The following GRIK3 variants were observed in gnomAD, a reference collection of about 807,000 sequenced individuals.
GRIK3 encodes the protein glutamate ionotropic receptor kainate type subunit 3.
A neutral mutation model predicts 102.5 loss-of-function variants in GRIK3; 29 were observed. The ratio of observed to expected loss-of-function variants is 0.28; its 90% CI spans 0.21 to 0.39. GRIK3 has a LOEUF of 0.39. Among genes scored for constraint, GRIK3 ranks in the 10% least tolerant of loss-of-function variants. GRIK3 has a pLI of 1.00. For synonymous variants in GRIK3, 511 were observed against 504.9 expected, an observed-to-expected ratio of 1.01 and a Z score of -0.16; for missense variants, 908 against 1,252.4, an observed-to-expected ratio of 0.73 and a Z score of 4.15.
chr1:36,904,357 C>T (rs1641263219), intron 1 of GRIK3, among the ~76,000 whole-genome samples: 1 of 152,122 alleles, frequency 6.6e-6, no homozygotes, highest in Non-Finnish European at 1.5e-5. Flanking sequence ...GTGGTAGGCT[C>T]ATGGGTAAAT....
chr1:36,816,803 A>C (rs984191596), intron 13 of GRIK3, among the ~76,000 whole-genome samples: 6 of 152,282 alleles, frequency 3.9e-5, no homozygotes, highest in African/African-American at 1.4e-4. Flanking sequence ...CTGATGACTT[A>C]AGGAATCATA....
intron 9 of GRIK3, among the ~76,000 whole-genome samples, chr1:36,845,712 C>T (rs556641026): frequency 1.3e-4 from 20 of 152,330 alleles, no homozygotes; most frequent in African/African-American, 4.8e-4. Flanking sequence ...GACACAGAGG[C>T]CAAGGACCTT....
chr1:36,904,167 A>C (rs1412961333), intron 1 of GRIK3, among the ~76,000 whole-genome samples: 1 of 152,202 alleles, frequency 6.6e-6, no homozygotes, highest in South Asian at 2.1e-4. Flanking sequence ...AAAAAGGGTA[A>C]TATTTTAACA....
intron 10 of GRIK3, among the ~76,000 whole-genome samples, chr1:36,837,512 G>T (rs141168396): frequency 6.6e-6 from 1 of 151,968 alleles, no homozygotes; most frequent in Non-Finnish European, 1.5e-5. Flanking sequence ...AGCAGCACTC[G>T]CCCTGTTTGG....
rs374427155 is a variant in GRIK3, at chr1:36,819,882, C to T, written c.1755-28G>A. On this transcript the variant is annotated intron_variant, in intron 11 of 15. Transcript: ENST00000373091. This position sits in a 1 kb window ranked among gnomAD's most constrained non-coding sequence, Gnocchi z 4.1. ...GCCACAGGAGGAGAGGGACAGTCAG[C>T]CTGGGAAGCAAGGGGCATCCACGCC... 2.0e-5 allele frequency: 25 copies of T among 1,263,174 alleles called. No homozygotes were observed. The African/African-American group carries it at 3.2e-4, about 16-fold the overall frequency. The allele number at this position is 1,263,174 out of a possible 1,614,324, so 78.2% of individuals were successfully genotyped here.
chr1:36,983,691 A>G (rs1306397318), intron 1 of GRIK3, among the ~76,000 whole-genome samples: 1 of 151,926 alleles, frequency 6.6e-6, no homozygotes, highest in Non-Finnish European at 1.5e-5. Context: ...TCATGGGGGG[A>G]AACCTTCAAA....
At chr1:36,841,987 C>G in intron 9 of GRIK3, 48 bp from the exon 10 acceptor site, 1 of 1,488,010 alleles carries the variant, frequency 6.7e-7, no homozygotes, top group Non-Finnish European at 9.4e-7. Context: ...GCAGCTAGGG[C>G]GGAGGCAGGC....
At chr1:36,973,836 C>T (rs1642168931) in intron 1 of GRIK3, among the ~76,000 whole-genome samples, 1 of 152,144 alleles carries the variant, frequency 6.6e-6, no homozygotes, top group South Asian at 2.1e-4. Context: ...CCACATCCTC[C>T]CAGCTCACCT....
At position 36,987,751 on chromosome 1, in the gene GRIK3, C is replaced by T. The variant is rs569270719; in HGVS notation, c.115+46243G>A. Reference sequence around the variant, plus strand: ...GTACAGCCCAGGCCAGGACCTCCACCGACAATAGCAGGAAGGTCACGACAG... The same window carrying T: ...GTACAGCCCAGGCCAGGACCTCCACTGACAATAGCAGGAAGGTCACGACAG... On this transcript the variant is annotated intron_variant, in intron 1 of 15. Coordinates refer to ENST00000373091, the MANE Select transcript of GRIK3 (RefSeq NM_000831.4). Among the ~76,000 whole-genome samples the T allele has an allele frequency of 7.9e-5, 12 of 152,220 alleles. No individual in the cohort carries two copies. The East Asian group carries it at 1.5e-3, about 20-fold the overall frequency.
intron 1 of GRIK3, among the ~76,000 whole-genome samples, chr1:36,961,227 G>A (rs1180053227): frequency 3.3e-5 from 5 of 152,170 alleles, no homozygotes; most frequent in Non-Finnish European, 7.4e-5. Flanking sequence ...CTGCCCTCAA[G>A]CACCCACCAT....
At chr1:36,805,993 C>G (rs966161818) in intron 14 of GRIK3, 111 bp downstream of exon 14, 7 of 572,334 alleles carry the variant, frequency 1.2e-5, no homozygotes, top group African/African-American at 1.9e-5. Context: ...GAAAACGTCA[C>G]CTTTATCAGC....
At chr1:37,011,635 C>G (rs555208931) in intron 1 of GRIK3, among the ~76,000 whole-genome samples, 1 of 152,262 alleles carries the variant, frequency 6.6e-6, no homozygotes, top group South Asian at 2.1e-4. Flanking sequence ...GGTGTGAAGT[C>G]TAAGGGGGTA....
chr1:36,882,489 A>C (rs1240055637), intron 2 of GRIK3, among the ~76,000 whole-genome samples: 1 of 152,162 alleles, frequency 6.6e-6, no homozygotes, highest in Non-Finnish European at 1.5e-5. Flanking sequence ...CCCAGAAGCC[A>C]TTCTCTCTTC....
intron 10 of GRIK3, among the ~76,000 whole-genome samples, chr1:36,838,859 A>G (rs1640414732): frequency 6.6e-6 from 1 of 152,204 alleles, no homozygotes. Context: ...GCACCAAGCT[A>G]GGATTAATAG....
At position 36,999,271 on chromosome 1, in the gene GRIK3, G is replaced by C. The variant is rs568041533; in HGVS notation, c.115+34723C>G. Among the ~76,000 whole-genome samples, 7 of 152,258 alleles carry C rather than the reference G, an allele frequency of 4.6e-5. No individual in the cohort carries two copies. The South Asian group carries it at 1.5e-3, about 32-fold the overall frequency. ...GGCATGGTCTGGGAAAGGTGCCCAGGTGCACCGAGGTGGGAGAGGAAGCTG... is the reference window on the plus strand; with the variant it reads ...GGCATGGTCTGGGAAAGGTGCCCAGCTGCACCGAGGTGGGAGAGGAAGCTG... On this transcript the variant is annotated intron_variant, in intron 1 of 15. Coordinates refer to ENST00000373091, the MANE Select transcript of GRIK3 (RefSeq NM_000831.4).
intron 3 of GRIK3, among the ~76,000 whole-genome samples, chr1:36,877,441 C>G (rs1640922443): frequency 6.6e-6 from 1 of 152,186 alleles, no homozygotes; most frequent in Admixed American, 6.5e-5. Context: ...GCTCTCCTTC[C>G]AACCCTCCCT....
At chr1:37,017,907 C>A (rs910017024) in intron 1 of GRIK3, among the ~76,000 whole-genome samples, 2 of 152,136 alleles carry the variant, frequency 1.3e-5, no homozygotes, top group Non-Finnish European at 2.9e-5. Context: ...GGTAATGAGT[C>A]CTCTTTTGAC....
intron 13 of GRIK3, among the ~76,000 whole-genome samples, chr1:36,808,430 G>C (rs1309118538): frequency 6.6e-6 from 1 of 152,234 alleles, no homozygotes. Flanking sequence ...GGTTACAAGA[G>C]ACTGTGACTG....
At chr1:36,954,719 A>G (rs1026561314) in intron 1 of GRIK3, among the ~76,000 whole-genome samples, 4 of 152,244 alleles carry the variant, frequency 2.6e-5, no homozygotes, top group African/African-American at 9.6e-5. Context: ...ACACACGCAG[A>G]GAAGCACATG....
Sources: allele counts gnomAD v4.1 joint callset (sites outside exome capture counted in the v4.1 genomes callset), GRCh38; gene constraint gnomAD v4.1.1; non-coding constraint Gnocchi (gnomAD v3.1); transcripts MANE v1.5; gene names NCBI Gene and HGNC (gene_info 2026-07-23, HGNC 2026-07-21).